The following XKR6 variants were observed in gnomAD, a reference collection of about 807,000 sequenced individuals.
The protein encoded by XKR6 is XK-related protein 6.
In XKR6, 22 loss-of-function variants were observed where a neutral mutation model predicts 56.7. The observed-to-expected ratio is 0.39, with a 90% CI of 0.28 to 0.55. The LOEUF is 0.55. Ranked by LOEUF, XKR6 falls within the 20% of genes least tolerant of loss-of-function variation. The probability of loss-of-function intolerance (pLI) is 0.66; values close to 1 mark genes in which losing one functional copy is unlikely to be tolerated. For missense variants in XKR6, 852 were observed against 889.0 expected (o/e 0.96, Z 0.53); for synonymous variants, 524 against 387.8 (o/e 1.35, Z -4.13).
At chr8:11,176,117 T>C (rs1802641098) in intron 1 of XKR6, among the ~76,000 whole-genome samples, 1 of 152,232 alleles carries the variant, frequency 6.6e-6, no homozygotes, top group South Asian at 2.1e-4. Flanking sequence ...AATGACATGA[T>C]CATCACTGAC....
chr8:11,086,157 T>TTTTTTTAA (rs1491345169), intron 1 of XKR6, among the ~76,000 whole-genome samples: 3 of 147,982 alleles, frequency 2.0e-5, no homozygotes, highest in African/African-American at 7.5e-5. Flanking sequence ...TATTTTTTTT[T>TTTTTTTAA]AAAAAAAACA....
chr8:11,160,911 C>CAA (rs33931830), intron 1 of XKR6, among the ~76,000 whole-genome samples: 25,989 of 63,636 alleles, frequency 0.41, 4,672 homozygotes, highest in Non-Finnish European at 0.46. Flanking sequence ...GACTCCGTCT[C>CAA]AAAAAAAAAA....
chr8:10,903,465 T>C (rs1800098801), intron 2 of XKR6, among the ~76,000 whole-genome samples: 1 of 152,156 alleles, frequency 6.6e-6, no homozygotes, highest in Admixed American at 6.5e-5. Flanking sequence ...ACATGCATTT[T>C]CTTATTGAGA....
At chr8:10,932,415 TTTTC>T (rs1409933690) in intron 1 of XKR6, among the ~76,000 whole-genome samples, 20 of 113,686 alleles carry the variant, frequency 1.8e-4, no homozygotes, top group Admixed American at 5.3e-4. Flanking sequence ...TTAGCAGTTA[TTTTC>T]TTTTTCTTTT....
chr8:10,906,819 G>T (rs1200479307), intron 2 of XKR6, among the ~76,000 whole-genome samples: 1 of 152,188 alleles, frequency 6.6e-6, no homozygotes, highest in East Asian at 1.9e-4. Flanking sequence ...GGATCACAAG[G>T]TCAGGAGATT....
At chr8:11,059,790 G>C (rs1007883265) in intron 1 of XKR6, among the ~76,000 whole-genome samples, 1 of 151,494 alleles carries the variant, frequency 6.6e-6, no homozygotes, top group African/African-American at 2.4e-5. Context: ...GCGCGACCCC[G>C]CTGGAGCGCG....
chr8:11,190,098 A>C (rs1803474985), intron 1 of XKR6, among the ~76,000 whole-genome samples: 1 of 152,036 alleles, frequency 6.6e-6, no homozygotes, highest in Non-Finnish European at 1.5e-5. Context: ...CAGAGGTTGC[A>C]GTGAGCCGAG....
chr8:11,095,907 C>T (rs1022831598), intron 1 of XKR6, among the ~76,000 whole-genome samples: 1 of 152,172 alleles, frequency 6.6e-6, no homozygotes, highest in Non-Finnish European at 1.5e-5. Flanking sequence ...CCAATTAAGT[C>T]TATGATTAAA....
intron 1 of XKR6, among the ~76,000 whole-genome samples, chr8:11,065,720 C>G (rs192705375): frequency 1.3e-5 from 2 of 152,194 alleles, no homozygotes; most frequent in Non-Finnish European, 2.9e-5. Context: ...GGGCTAAAGT[C>G]CGGTCTCTTC....
intron 2 of XKR6, among the ~76,000 whole-genome samples, chr8:10,914,116 T>C (rs762273193): frequency 7.9e-5 from 12 of 152,040 alleles, no homozygotes; most frequent in Admixed American, 6.5e-5. Flanking sequence ...CAGGATTGAA[T>C]GGGTCTATGG....
intron 1 of XKR6, among the ~76,000 whole-genome samples, chr8:10,946,688 C>A (rs1472090018): frequency 6.6e-6 from 1 of 152,100 alleles, no homozygotes; most frequent in Non-Finnish European, 1.5e-5. Context: ...CATAATTGAG[C>A]TCCTACTGCA....
chr8:11,135,434 T>C (rs1420883698), intron 1 of XKR6, among the ~76,000 whole-genome samples: 4 of 152,190 alleles, frequency 2.6e-5, no homozygotes, highest in Non-Finnish European at 5.9e-5. Flanking sequence ...AAGTTAATCA[T>C]GATTTACTTA....
At chr8:11,004,527 T>C (rs907205942) in intron 1 of XKR6, among the ~76,000 whole-genome samples, 3 of 152,122 alleles carry the variant, frequency 2.0e-5, no homozygotes, top group East Asian at 1.9e-4. Flanking sequence ...GACAAAGATA[T>C]ATTGACCAGG....
intron 1 of XKR6, among the ~76,000 whole-genome samples, chr8:11,164,151 G>A (rs1801958160): frequency 6.6e-6 from 1 of 152,208 alleles, no homozygotes; most frequent in Non-Finnish European, 1.5e-5. Flanking sequence ...CTGCCAGAAA[G>A]TCAGAAGTCA....
intron 1 of XKR6, among the ~76,000 whole-genome samples, chr8:11,159,199 C>A (rs1801672599): frequency 6.6e-6 from 1 of 152,152 alleles, no homozygotes; most frequent in Non-Finnish European, 1.5e-5. Flanking sequence ...CAGAGGGGTA[C>A]CCAATTCTTT....
rs562650531 is a variant in XKR6 at position 10,975,454 on chromosome 8, C to T, written c.765-50624G>A. 6.2e-4 allele frequency among the ~76,000 whole-genome samples: 94 copies of T among 152,366 alleles called. 3 individuals are homozygous for T. In the South Asian group the frequency reaches 0.014, roughly 23 times the overall value. On this transcript the variant is annotated intron_variant, in intron 1 of 2. Transcript: ENST00000416569. ...CAGCCAAGAGCCGCCTTTGGTCCTC[C>T]GAGCTAGCCAGAGCCACGTGCTTGC...
At position 11,090,201 on chromosome 8, in the gene XKR6, C is replaced by T. The variant is rs375136622; in HGVS notation, c.764+110375G>A. On this transcript the variant is annotated intron_variant, in intron 1 of 2. Transcript: ENST00000416569. The stretch of plus-strand genomic sequence containing the variant: ...CTGGGCTCAAGCGATCCTCCCACCT[C>T]GGCCTCTCACGTAGCTGAGACTAGA... Among the ~76,000 whole-genome samples, 89 of 152,300 alleles carry T rather than the reference C, an allele frequency of 5.8e-4. 1 individual carries two copies. The South Asian group carries it at 0.016, about 27-fold the overall frequency.
At chr8:11,124,650 G>C (rs537955823) in intron 1 of XKR6, 2 of 153,034 alleles carry the variant, frequency 1.3e-5, no homozygotes, top group Admixed American at 6.5e-5. Flanking sequence ...ACACTGCAGG[G>C]GGGTAGGAGA....
At chr8:11,108,483 T>A in intron 1 of XKR6, 1 of 398,344 alleles carries the variant, frequency 2.5e-6, no homozygotes, top group South Asian at 1.9e-5. Context: ...AACAGGACAT[T>A]AGTACTCAAC....
Sources: allele counts gnomAD v4.1 joint callset (sites outside exome capture counted in the v4.1 genomes callset), GRCh38; gene constraint gnomAD v4.1.1; transcripts MANE v1.5; gene names NCBI Gene and HGNC (gene_info 2026-07-23, HGNC 2026-07-21).